STK3: variants seen among roughly 807,000 people sequenced by gnomAD.
STK3 encodes the protein serine/threonine-protein kinase 3.
A neutral mutation model predicts 58.0 loss-of-function variants in STK3; 41 were observed. That is an observed-to-expected ratio of 0.71 (90% CI 0.55 to 0.92). The LOEUF is 0.92. Among genes scored for constraint, STK3 ranks in the 40% least tolerant of loss-of-function variants. The probability of loss-of-function intolerance (pLI) is 0.00; values close to 1 mark genes in which losing one functional copy is unlikely to be tolerated. For missense variants in STK3, 479 were observed against 602.7 expected (o/e 0.79, Z 2.15); for synonymous variants, 170 against 191.0 (o/e 0.89, Z 0.91).
intron 10 of STK3, among the ~76,000 whole-genome samples, chr8:98,492,000 A>C (rs911796042): frequency 6.6e-6 from 1 of 152,226 alleles, no homozygotes; most frequent in African/African-American, 2.4e-5. Flanking sequence ...AAATTCTAAA[A>C]TAGAACTACT....
chr8:98,511,355 C>G (rs1335815182), intron 10 of STK3, among the ~76,000 whole-genome samples: 1 of 151,792 alleles, frequency 6.6e-6, no homozygotes, highest in African/African-American at 2.4e-5. Context: ...TTTTGCACAC[C>G]TATAATTTGC....
At chr8:98,614,487 T>C (rs1373577426) in intron 6 of STK3, among the ~76,000 whole-genome samples, 3 of 152,224 alleles carry the variant, frequency 2.0e-5, no homozygotes, top group Non-Finnish European at 2.9e-5. Context: ...AGCTCCGGTC[T>C]ACAGCTCCCA....
rs1166286283 is a variant in STK3, at chr8:98,428,477, C to T, written n.483+5650G>A. On this transcript the variant is annotated intron_variant and non_coding_transcript_variant, in intron 3 of 3. Coordinates refer to the STK3 transcript ENST00000517832. This position sits in a 1 kb window ranked among gnomAD's most constrained non-coding sequence, Gnocchi z 6.7. ...CCTCCAAGTTCGATGGGCAGCCCCT[C>T]GGCAACTTCCGCAGGCAGCTGTGGC... 1.2e-6 allele frequency: 2 copies of T among 1,614,132 alleles called. No individual in the cohort carries two copies. Among genetic ancestry groups the T allele is most frequent in the South Asian group, 1.1e-5 (1 of 91,078 alleles).
the STK3 span, among the ~76,000 whole-genome samples, chr8:98,348,891 A>G: frequency 6.6e-6 from 1 of 152,242 alleles, no homozygotes; most frequent in African/African-American, 2.4e-5. Flanking sequence ...CAATACAGCA[A>G]TAATGCTCCC....
upstream of STK3, among the ~76,000 whole-genome samples, chr8:98,391,065 T>C (rs895755101): frequency 2.6e-5 from 4 of 152,204 alleles, no homozygotes; most frequent in African/African-American, 9.7e-5. Context: ...CCCATGCAAG[T>C]TGAGATTTGT....
chr8:98,436,148 T>C (rs1818478743), intron 2 of STK3, among the ~76,000 whole-genome samples: 1 of 152,154 alleles, frequency 6.6e-6, no homozygotes, highest in Non-Finnish European at 1.5e-5. Flanking sequence ...CTCCCTCCTT[T>C]GTGATTTTGA....
intron 8 of STK3, among the ~76,000 whole-genome samples, chr8:98,562,807 G>A (rs1470352767): frequency 6.7e-6 from 1 of 149,520 alleles, no homozygotes; most frequent in Non-Finnish European, 1.5e-5. Context: ...AGCTACTTGG[G>A]AGGTTGAGGC....
chr8:98,905,833 C>G (rs924974839), intron 1 of STK3, among the ~76,000 whole-genome samples: 1 of 152,172 alleles, frequency 6.6e-6, no homozygotes, highest in African/African-American at 2.4e-5. Flanking sequence ...AGAGTAGGAT[C>G]AGAGAATCCA....
the STK3 span, among the ~76,000 whole-genome samples, chr8:98,355,438 A>T: frequency 6.6e-6 from 1 of 152,210 alleles, no homozygotes; most frequent in South Asian, 2.1e-4. Flanking sequence ...TGAGAGTGAT[A>T]CTGGCTCTGC....
intron 3 of STK3, among the ~76,000 whole-genome samples, chr8:98,845,344 T>C (rs143509960): frequency 6.6e-6 from 1 of 152,356 alleles, no homozygotes; most frequent in Non-Finnish European, 1.5e-5. Flanking sequence ...AATTCTTAAG[T>C]TTTGACGAGT....
At chr8:98,618,469 T>C (rs1817959342) in intron 6 of STK3, among the ~76,000 whole-genome samples, 1 of 152,004 alleles carries the variant, frequency 6.6e-6, no homozygotes, top group South Asian at 2.1e-4. Flanking sequence ...GCCAGGGCAA[T>C]CAGGCAGGAG....
At chr8:98,938,994 C>G (rs1351148852) in intron 1 of STK3, among the ~76,000 whole-genome samples, 1 of 152,178 alleles carries the variant, frequency 6.6e-6, no homozygotes, top group Non-Finnish European at 1.5e-5. Flanking sequence ...GGCACCCGCA[C>G]TTTTTCTCCA....
chr8:98,428,096 C>T lies in STK3; in HGVS notation n.483+6031G>A, dbSNP rs749461522. 3 of 1,613,846 alleles carry T rather than the reference C, an allele frequency of 1.9e-6. No individual in the cohort carries two copies. The highest frequency in any genetic ancestry group is 2.5e-6 in the Non-Finnish European group (3 of 1,180,010). On this transcript the variant is annotated intron_variant and non_coding_transcript_variant, in intron 3 of 3. Transcript: ENST00000517832. The surrounding 1 kb of genome is among the most constrained non-coding windows in gnomAD (Gnocchi z 6.7). ...GCTCGCACACGCTGCTGCGCTTCCC[C>T]GAGACGCGCCTGGGCCGCTTGCTGC...
intron 6 of STK3, among the ~76,000 whole-genome samples, chr8:98,641,737 GC>G (rs1820035662): frequency 6.6e-6 from 1 of 152,202 alleles, no homozygotes; most frequent in African/African-American, 2.4e-5. Context: ...GGTAGCAGAA[GC>G]ATATATAAAG....
Position 98,833,642 on chromosome 8 carries a change from C to T in STK3, c.110+50005G>A, listed in dbSNP as rs533353173. 9.9e-5 allele frequency among the ~76,000 whole-genome samples: 15 copies of T among 152,268 alleles called. 1 individual carries two copies. The highest frequency in any genetic ancestry group is 7.9e-4 in the Admixed American group (12 of 15,286). On this transcript the variant is annotated intron_variant, in intron 3 of 12. Coordinates refer to the STK3 transcript ENST00000523601. ...ACCAGAGGCAGTTTGGAGTTGGTAT[C>T]TTATTGCTATAAAGAGTCTGTTCTG...
At chr8:98,773,349 AAT>A (rs1421055061) in intron 2 of STK3, among the ~76,000 whole-genome samples, 1 of 152,084 alleles carries the variant, frequency 6.6e-6, no homozygotes, top group Non-Finnish European at 1.5e-5. Context: ...ATTGCTACCT[AAT>A]ATATCTCTTT....
chr8:98,481,721 G>GA (rs35610665), intron 10 of STK3, among the ~76,000 whole-genome samples: 5,462 of 82,716 alleles, frequency 0.066, 259 homozygotes, highest in African/African-American at 0.17. Flanking sequence ...TAAAGCTATT[G>GA]AAAAAAAAAA....
At chr8:98,520,647 T>C (rs1825283903) in intron 10 of STK3, among the ~76,000 whole-genome samples, 1 of 152,092 alleles carries the variant, frequency 6.6e-6, no homozygotes, top group African/African-American at 2.4e-5. Flanking sequence ...TTTAAGCAAC[T>C]TCTATCAAAT....
chr8:98,778,362 T>C (rs1295711007), intron 1 of STK3, among the ~76,000 whole-genome samples: 3 of 151,630 alleles, frequency 2.0e-5, no homozygotes, highest in Admixed American at 2.0e-4. Flanking sequence ...ATGGCAATCA[T>C]TAAAAAGTCA....
Sources: gnomAD v4.1 joint callset for allele counts (sites outside exome capture counted in the v4.1 genomes callset) on GRCh38, gnomAD v4.1.1 for gene constraint, Gnocchi (gnomAD v3.1) non-coding constraint, MANE v1.5 for transcripts, NCBI Gene and HGNC (gene_info 2026-07-23, HGNC 2026-07-21) for gene names.